SMIM35: variants seen among roughly 807,000 people sequenced by gnomAD.
The protein encoded by SMIM35 is small integral membrane protein 35, also known as TMPRSS4 antisense RNA 1 (non-protein coding).
chr11:118,011,569 G>C (rs1484777970), intron 4 of SMIM35, among the ~76,000 whole-genome samples: 1 of 152,122 alleles, frequency 6.6e-6, no homozygotes, highest in Non-Finnish European at 1.5e-5. Context: ...GCGCACACCT[G>C]TAACCCCAGC....
chr11:118,074,540 G>T (rs1944623124), intron 1 of SMIM35, among the ~76,000 whole-genome samples: 2 of 151,794 alleles, frequency 1.3e-5, no homozygotes, highest in African/African-American at 4.8e-5. Context: ...TGAGCTCAGG[G>T]GTTTGAGACC....
At chr11:118,013,567 C>G in intron 4 of SMIM35, 181 bp downstream of exon 4, 1 of 371,686 alleles carries the variant, frequency 2.7e-6, no homozygotes, top group Non-Finnish European at 4.8e-6. Flanking sequence ...AGGCCCAGTG[C>G]CAGAAGCGGG....
At chr11:118,085,226 C>CTTTTTT (rs67063759) in intron 1 of SMIM35, among the ~76,000 whole-genome samples, 6 of 141,844 alleles carry the variant, frequency 4.2e-5, no homozygotes, top group Admixed American at 7.1e-5. Context: ...TCTTCTTCTT[C>CTTTTTT]TTTTTTTTTT....
chr11:118,048,537 AGAAGGAAGGAAGGAAGGAAG>A (rs59910847), intron 1 of SMIM35, among the ~76,000 whole-genome samples: 16,300 of 122,774 alleles, frequency 0.13, 1,427 homozygotes, highest in Admixed American at 0.19. Context: ...GAAGAAAGAA[AGAAGGAAGGAAGGAAGGAAG>A]GAAGGAAGGA....
chr11:118,057,940 C>T (rs1406815347), intron 1 of SMIM35, among the ~76,000 whole-genome samples: 2 of 152,220 alleles, frequency 1.3e-5, no homozygotes, highest in African/African-American at 2.4e-5. Flanking sequence ...CACAAACAGA[C>T]ATTATCGTTC....
At chr11:118,021,060 C>CTTTTGTTT (rs1591279274) in intron 1 of SMIM35, among the ~76,000 whole-genome samples, 4 of 125,504 alleles carry the variant, frequency 3.2e-5, no homozygotes, top group East Asian at 8.4e-4. Flanking sequence ...TTTTTTTTTA[C>CTTTTGTTT]TATTTATTAA....
intron 1 of SMIM35, among the ~76,000 whole-genome samples, chr11:118,024,015 C>CAAAAAA (rs34791559): frequency 2.2e-5 from 3 of 134,368 alleles, no homozygotes; most frequent in Non-Finnish European, 3.2e-5. Context: ...ATGCCTTCTC[C>CAAAAAA]AAAAAAAAAA....
chr11:118,037,873 C>T (rs1943930876), intron 1 of SMIM35, among the ~76,000 whole-genome samples: 1 of 152,150 alleles, frequency 6.6e-6, no homozygotes, highest in Non-Finnish European at 1.5e-5. Context: ...AGCTGCTGAC[C>T]CTGACAGCAC....
rs1228477278 is a variant in SMIM35, at chr11:118,045,504, G to A, written c.8-29695C>T. Among the ~76,000 whole-genome samples, 5 of 152,184 alleles carry A rather than the reference G, an allele frequency of 3.3e-5. No individual in the cohort carries two copies. The East Asian group carries it at 9.6e-4, about 29-fold the overall frequency. ...AGTAGAAGTAAAAAGAGCCTTTCAA[G>A]TTTTGCCTTAGTATTAGCTTGAACC... On this transcript the variant is annotated intron_variant, in intron 1 of 4. Coordinates refer to ENST00000689828, the MANE Select transcript of SMIM35 (RefSeq NM_001394165.1).
rs57261529 is a variant in SMIM35, at chr11:118,048,946, C to CAAAAAAAAAA, written c.8-33147_8-33138dup. 2.5e-4 allele frequency among the ~76,000 whole-genome samples: 15 copies of CAAAAAAAAAA among 60,500 alleles called. 1 individual carries two copies. The highest frequency in any genetic ancestry group is 6.9e-4 in the South Asian group (1 of 1,444). 39.7% of individuals were successfully genotyped at this position (60,500 alleles called of 152,430 possible). A position where few individuals can be genotyped will look rare whatever the true frequency, so the allele number is the denominator to read the frequency against. Reference sequence around the variant, plus strand: ...GCCTATCGCCTAGGCTGAAGAGCTGCAAAAAAAAAAAAAAAAAAGCAAGTG... The same window carrying CAAAAAAAAAA: ...GCCTATCGCCTAGGCTGAAGAGCTGCAAAAAAAAAAAAAAAAAAAAAAAAAAAAGCAAGTG... On this transcript the variant is annotated intron_variant, in intron 1 of 4. Transcript: ENST00000689828.
At chr11:118,041,816 C>T (rs961662150) in intron 1 of SMIM35, among the ~76,000 whole-genome samples, 13 of 152,062 alleles carry the variant, frequency 8.5e-5, no homozygotes, top group Middle Eastern at 3.4e-3. Flanking sequence ...TTTGGGAGGC[C>T]GAAGTCGGTG....
intron 1 of SMIM35, among the ~76,000 whole-genome samples, chr11:118,052,523 C>G (rs1023025529): frequency 4.6e-5 from 7 of 152,158 alleles, no homozygotes; most frequent in African/African-American, 1.7e-4. Flanking sequence ...ATTTTGTATT[C>G]TTCATCTAAG....
At chr11:118,048,840 G>A (rs894778319) in intron 1 of SMIM35, among the ~76,000 whole-genome samples, 6 of 149,972 alleles carry the variant, frequency 4.0e-5, no homozygotes, top group African/African-American at 9.8e-5. Flanking sequence ...TGACCTAAAG[G>A]AGTGAAGTGT....
chr11:118,072,594 G>GGGAGGAGAGGAA (rs1944589720), intron 1 of SMIM35, among the ~76,000 whole-genome samples: 1 of 152,202 alleles, frequency 6.6e-6, no homozygotes, highest in Non-Finnish European at 1.5e-5. Context: ...AAATCAGGCA[G>GGGAGGAGAGGAA]GGAGGAGAGG....
At chr11:118,081,451 A>G (rs1682672794) in intron 1 of SMIM35, among the ~76,000 whole-genome samples, 1 of 152,250 alleles carries the variant, frequency 6.6e-6, no homozygotes. Context: ...AACAAGATGG[A>G]AAACCGCAAC....
At chr11:118,032,807 C>T (rs2058329844) in intron 1 of SMIM35, among the ~76,000 whole-genome samples, 1 of 152,146 alleles carries the variant, frequency 6.6e-6, no homozygotes, top group Non-Finnish European at 1.5e-5. Flanking sequence ...ACTCAGGAGG[C>T]TGAGGCACGA....
chr11:118,055,134 T>A (rs1944289407), intron 1 of SMIM35, among the ~76,000 whole-genome samples: 1 of 152,152 alleles, frequency 6.6e-6, no homozygotes, highest in Admixed American at 6.5e-5. Flanking sequence ...CTTTCAGGAT[T>A]TCAACATTCA....
intron 1 of SMIM35, among the ~76,000 whole-genome samples, chr11:118,019,630 A>G (rs2058209715): frequency 6.6e-6 from 1 of 151,902 alleles, no homozygotes; most frequent in South Asian, 2.1e-4. Flanking sequence ...AAATTTATCT[A>G]TTTGTGCTTT....
chr11:118,060,621 T>C (rs1047327021), intron 1 of SMIM35, among the ~76,000 whole-genome samples: 9 of 152,144 alleles, frequency 5.9e-5, no homozygotes, highest in Middle Eastern at 3.2e-3. Context: ...TAGCATCCTG[T>C]GTTCCTCTGG....
Sources: gnomAD v4.1 joint callset for allele counts (sites outside exome capture counted in the v4.1 genomes callset) on GRCh38, gnomAD v4.1.1 for gene constraint, MANE v1.5 for transcripts, NCBI Gene and HGNC (gene_info 2026-07-23, HGNC 2026-07-21) for gene names.